Variants in CATSPER2 observed in about 807,000 individuals in gnomAD.
CATSPER2 encodes the protein cation channel sperm-associated protein 2.
Under a neutral mutation model 68.8 loss-of-function variants are expected in CATSPER2, and 56 were observed. The ratio of observed to expected loss-of-function variants is 0.81; its 90% CI spans 0.66 to 1.02. The LOEUF (loss-of-function observed/expected upper bound fraction) is 1.02. Among genes scored for constraint, CATSPER2 ranks in the 50% least tolerant of loss-of-function variants. The pLI, the probability that CATSPER2 is intolerant of heterozygous loss-of-function variation, is 0.00. For missense variants in CATSPER2, 582 were observed against 642.0 expected, an observed-to-expected ratio of 0.91 and a Z score of 1.01; for synonymous variants, 198 against 229.9, an observed-to-expected ratio of 0.86 and a Z score of 1.26.
chr15:43,633,230 T>G (rs1170990847), intron 10 of CATSPER2: 1 of 426,316 alleles, frequency 2.3e-6, no homozygotes, highest in African/African-American at 2.0e-5. Context: ...CATCATTTCT[T>G]GCCTGGGCAG....
At chr15:43,644,231 A>C (rs529226565) in intron 4 of CATSPER2, among the ~76,000 whole-genome samples, 1 of 152,152 alleles carries the variant, frequency 6.6e-6, no homozygotes. Context: ...GCCTAAAAAA[A>C]GTCTTAATGT....
At chr15:43,641,277 C>T (rs1158030950) in intron 4 of CATSPER2, among the ~76,000 whole-genome samples, 4 of 151,474 alleles carry the variant, frequency 2.6e-5, no homozygotes, top group African/African-American at 4.9e-5. Flanking sequence ...CCACCACACC[C>T]GGCTAATTTT....
chr15:43,647,376 A>T lies in CATSPER2; in HGVS notation c.237T>A (p.His79Gln), dbSNP rs750338105. 5 of 1,613,238 alleles carry T rather than the reference A, an allele frequency of 3.1e-6. No individual in the cohort carries two copies. Among genetic ancestry groups the T allele is most frequent in the South Asian group, 2.2e-5 (2 of 91,036 alleles). The part of the protein sequence containing the change: ...IKPQRIEQIS[H>Q]AQRLLSRLHV... ...GAAGCCTGCTCAACAGCCTCTGGGC[A>T]TGTGAAATCTGTTCTATACGCTGAG... The change falls in exon 3 of 13, where the codon CAT becomes CAA. Residue 79 changes from histidine (H) to glutamine (Q), a missense_variant. Around this residue, in one of 5 missense-constraint regions of CATSPER2, gnomAD observed 197 missense variants for 191.0 expected, o/e 1.03. Coordinates refer to ENST00000396879, the MANE Select transcript of CATSPER2 (RefSeq NM_172095.4).
Position 43,630,916 on chromosome 15 carries a change from A to G in CATSPER2, c.1562-184T>C, listed in dbSNP as rs573247798. 3.9e-4 allele frequency among the ~76,000 whole-genome samples: 59 copies of G among 152,122 alleles called. 1 individual carries two copies. The highest frequency in any genetic ancestry group is 1.4e-3 in the African/African-American group (57 of 41,486). ...AAGTTTTATTAGGATTAAAGAAACTACCTTGCTGCATTTTCCTCCTTTTCA... is the reference window on the plus strand; with the variant it reads ...AAGTTTTATTAGGATTAAAGAAACTGCCTTGCTGCATTTTCCTCCTTTTCA... On this transcript the variant is annotated intron_variant, in intron 12 of 12. Transcript: ENST00000396879.
Position 43,647,933 on chromosome 15 carries a change from A to C in CATSPER2, c.129T>G (p.Thr43=), listed in dbSNP as rs1269444942. 6.2e-7 allele frequency: 1 copy of C among 1,613,482 alleles called. No individual in the cohort carries two copies. The highest frequency in any genetic ancestry group is 1.7e-5 in the Admixed American group (1 of 59,962). ...GCTGCTGACCAAGTAACTCCCTGATAGTGTGCCGCGGCACAGCTTGGCTCA... is the reference window on the plus strand; with the variant it reads ...GCTGCTGACCAAGTAACTCCCTGATCGTGTGCCGCGGCACAGCTTGGCTCA... ...QGLSQAVPRH[T]IRELLDPSRQ... is the part of the protein sequence containing the mutation. Residue 43 remains threonine, a synonymous_variant, in exon 2 of 13, where the codon ACT becomes ACG. Coordinates refer to ENST00000396879, the MANE Select transcript of CATSPER2 (RefSeq NM_172095.4).
At chr15:43,648,402 G>A (rs754987994) in intron 1 of CATSPER2, among the ~76,000 whole-genome samples, 8 of 152,012 alleles carry the variant, frequency 5.3e-5, no homozygotes, top group East Asian at 1.9e-4. Flanking sequence ...AGGGGCCCGG[G>A]GCTGGACAAA....
rs1427887695 is a variant in CATSPER2, at chr15:43,645,215, C to G, written c.388+1835G>C. On this transcript the variant is annotated intron_variant, in intron 4 of 12. Transcript: ENST00000396879. ...GGACTACAGGCATGTGCCACCACAC[C>G]TAGCTAACTTTTGTATTTTTTGTAG... Among the ~76,000 whole-genome samples the G allele has an allele frequency of 1.3e-5, 2 of 151,754 alleles. 1 individual carries two copies. The highest frequency in any genetic ancestry group is 2.9e-5 in the Non-Finnish European group (2 of 67,942).
Position 43,630,547 on chromosome 15 carries a change from G to C in CATSPER2, c.*154C>G. On this transcript the variant is annotated 3_prime_UTR_variant, in exon 13 of 13. Transcript: ENST00000396879. ...TTTTTTTGTATTTTTAGTAGAGACA[G>C]GGTTTCACCACGCCTGGCCTAGACA... 6.6e-7 allele frequency: 1 copy of C among 1,517,916 alleles called. No individual in the cohort carries two copies. Among genetic ancestry groups the C allele is most frequent in the South Asian group, 1.2e-5 (1 of 84,034 alleles). 94.0% of individuals were successfully genotyped at this position (1,517,916 alleles called of 1,614,324 possible).
intron 4 of CATSPER2, among the ~76,000 whole-genome samples, chr15:43,644,594 G>T (rs1361629647): frequency 6.6e-6 from 1 of 151,916 alleles, no homozygotes; most frequent in Non-Finnish European, 1.5e-5. Flanking sequence ...GAGCATTACC[G>T]CCTGAGCTCC....
chr15:43,648,565 T>A (rs1472268645), intron 1 of CATSPER2, 64 bp downstream of exon 1: 1 of 1,325,818 alleles, frequency 7.5e-7, no homozygotes, highest in Non-Finnish European at 9.8e-7. Flanking sequence ...CCCAAGTGTG[T>A]CCACTCCAAC....
At chr15:43,639,231 C>A (rs553160064) in intron 6 of CATSPER2, among the ~76,000 whole-genome samples, 4 of 151,120 alleles carry the variant, frequency 2.6e-5, no homozygotes, top group Non-Finnish European at 5.9e-5. Context: ...CTTTGACCCA[C>A]CCAGATTTCT....
chr15:43,632,360 C>T lies in CATSPER2; in HGVS notation c.1400G>A (p.Arg467His), dbSNP rs558757476. The T allele has an allele frequency of 4.8e-5, 78 of 1,613,404 alleles. 5 individuals are homozygous for T. The highest frequency in any genetic ancestry group is 4.4e-4 in the South Asian group (40 of 91,052). Reference protein sequence around the residue: ...SESRFSESIGRLDWETLVHEN... With the variant: ...SESRFSESIGHLDWETLVHEN... ...GTGCACAAGAGTCTCCCAGTCCAAA[C>T]GACCTGCAGGGAGGAATGCTTCAGA... The change falls in exon 12 of 13, where the codon CGT (arginine) becomes CAT (histidine). Residue 467 changes from arginine (R) to histidine (H), a missense_variant. Coordinates refer to ENST00000396879, the MANE Select transcript of CATSPER2 (RefSeq NM_172095.4).
At chr15:43,642,027 T>C (rs993197468) in intron 4 of CATSPER2, among the ~76,000 whole-genome samples, 2 of 151,926 alleles carry the variant, frequency 1.3e-5, no homozygotes, top group African/African-American at 2.4e-5. Context: ...TCTGTACTTC[T>C]GTAAGTTTTT....
chr15:43,648,278 G>T (rs553715230), intron 1 of CATSPER2, among the ~76,000 whole-genome samples: 1 of 152,080 alleles, frequency 6.6e-6, no homozygotes, highest in East Asian at 1.9e-4. Context: ...ACATTGCACA[G>T]TCGACCAAGC....
upstream of CATSPER2, chr15:43,648,855 C>T: frequency 6.6e-7 from 1 of 1,523,938 alleles, no homozygotes. Context: ...GCTCGCCCAG[C>T]CACTCGCCGC....
intron 10 of CATSPER2, 171 bp downstream of exon 10, chr15:43,635,189 G>C (rs567246223): frequency 1.0e-4 from 72 of 715,912 alleles, no homozygotes; most frequent in Non-Finnish European, 1.6e-4. Flanking sequence ...ACATTCACAG[G>C]TTCCAGGGAG....
At chr15:43,632,680 A>T in intron 11 of CATSPER2, 37 bp downstream of exon 11, 1 of 1,612,238 alleles carries the variant, frequency 6.2e-7, no homozygotes. Flanking sequence ...TCTGAATTCA[A>T]ATGGAAAAAA....
At position 43,639,794 on chromosome 15, in the gene CATSPER2, A is replaced by G. The variant is rs1169508936; in HGVS notation, c.566T>C (p.Leu189Pro). Residue 189 changes from leucine (L) to proline (P), a missense_variant, in exon 6 of 13, where the codon CTG becomes CCG. This residue lies in a region of CATSPER2 where 45 missense variants were observed against 80.2 expected (regional missense o/e 0.56). Coordinates refer to ENST00000396879, the MANE Select transcript of CATSPER2 (RefSeq NM_172095.4). ...VFDFVVTMLS[L>P]LPEVVVLVGV... ...TACCAATACCACAACCTCGGGAAGC[A>G]GGGACTGTGGAAAACACACAGGTTA... 30 of 1,611,664 alleles carry G rather than the reference A, an allele frequency of 1.9e-5. No homozygotes were observed. The highest frequency in any genetic ancestry group is 3.3e-5 in the Admixed American group (2 of 59,928).
intron 4 of CATSPER2, among the ~76,000 whole-genome samples, chr15:43,643,646 T>C (rs1039020757): frequency 1.3e-5 from 2 of 151,890 alleles, no homozygotes; most frequent in African/African-American, 2.4e-5. Flanking sequence ...AGCAATACAA[T>C]TTCATGAAGA....
Sources: allele counts gnomAD v4.1 joint callset (sites outside exome capture counted in the v4.1 genomes callset), GRCh38; gene constraint gnomAD v4.1.1; regional missense constraint gnomAD v4.1.1; transcripts MANE v1.5; gene names NCBI Gene and HGNC (gene_info 2026-07-23, HGNC 2026-07-21).